FGD4: variants seen among roughly 807,000 people sequenced by gnomAD.
The protein encoded by FGD4 is FYVE, RhoGEF and PH domain containing 4.
FGD4 carries 42 observed loss-of-function variants against 102.0 expected under a neutral mutation model. That is an observed-to-expected ratio of 0.41 (90% confidence interval 0.32 to 0.53). The LOEUF (loss-of-function observed/expected upper bound fraction) is 0.53. Ranked by LOEUF, FGD4 falls within the 20% of genes least tolerant of loss-of-function variation. FGD4 has a pLI of 0.21. For synonymous variants in FGD4, 380 were observed against 375.7 expected (o/e 1.01, Z -0.13); for missense variants, 902 against 1,078.2 (o/e 0.84, Z 2.29).
intron 1 of FGD4, among the ~76,000 whole-genome samples, chr12:32,414,262 G>A (rs372007811): frequency 3.3e-5 from 5 of 152,034 alleles, no homozygotes; most frequent in East Asian, 1.9e-4. Context: ...GTGTGCCACC[G>A]CACCCAGCCT....
intron 1 of FGD4, among the ~76,000 whole-genome samples, chr12:32,453,222 TATAGA>T (rs1942849915): frequency 2.1e-5 from 1 of 48,306 alleles, no homozygotes; most frequent in Admixed American, 2.8e-4. Flanking sequence ...ATATATATAA[TATAGA>T]TATATATATA....
At position 32,453,226 on chromosome 12, in the gene FGD4, G is replaced by GATAT. The variant is rs200904312; in HGVS notation, c.166+53276_166+53279dup. 5.8e-3 allele frequency among the ~76,000 whole-genome samples: 339 copies of GATAT among 58,504 alleles called. 5 individuals carry two copies. The highest frequency in any genetic ancestry group is 0.011 in the Admixed American group (51 of 4,802). The allele number at this position is 58,504 out of a possible 152,430, so 38.4% of individuals were successfully genotyped here. On this transcript the variant is annotated intron_variant, in intron 1 of 16. Coordinates refer to ENST00000534526, the MANE Select transcript of FGD4 (RefSeq NM_001370298.3). ...TATATATATATATATATATAATATA[G>GATAT]ATATATATATATTTTTTTTTTTTTA...
intron 4 of FGD4, chr12:32,582,838 C>A: frequency 4.6e-6 from 1 of 217,664 alleles, no homozygotes; most frequent in Non-Finnish European, 9.3e-6. Flanking sequence ...ATTGTATAAT[C>A]TTTGTTGTTC....
At chr12:32,479,238 G>GT (rs1274258417) in intron 1 of FGD4, among the ~76,000 whole-genome samples, 1 of 152,048 alleles carries the variant, frequency 6.6e-6, no homozygotes, top group Non-Finnish European at 1.5e-5. Flanking sequence ...AGGTCTCTGA[G>GT]TTTTTTTGGT....
intron 1 of FGD4, among the ~76,000 whole-genome samples, chr12:32,543,969 A>G (rs1943044106): frequency 6.6e-6 from 1 of 152,166 alleles, no homozygotes; most frequent in Non-Finnish European, 1.5e-5. Context: ...GTCAGAAACC[A>G]GAGATCAAGT....
At chr12:32,471,342 G>T (rs11052015) in intron 1 of FGD4, among the ~76,000 whole-genome samples, 1 of 152,022 alleles carries the variant, frequency 6.6e-6, no homozygotes, top group African/African-American at 2.4e-5. Context: ...TCATCCATCC[G>T]TATCTCTCTC....
intron 16 of FGD4, 49 bp downstream of exon 16, chr12:32,638,844 G>GGGAA (rs748048420): frequency 2.5e-6 from 4 of 1,612,820 alleles, no homozygotes; most frequent in Non-Finnish European, 2.5e-6. Flanking sequence ...TGGGGGCAAG[G>GGGAA]GGAAGCGAGT....
chr12:32,460,831 A>G (rs4931630), intron 1 of FGD4, among the ~76,000 whole-genome samples: 149,395 of 152,356 alleles, frequency 0.98, 73,317 homozygotes, highest in East Asian at 1. Context: ...GAGGCTCAGA[A>G]AAGTGTAATA....
At chr12:32,576,982 G>A (rs1296055019) in intron 3 of FGD4, among the ~76,000 whole-genome samples, 2 of 151,838 alleles carry the variant, frequency 1.3e-5, no homozygotes, top group South Asian at 2.1e-4. Context: ...CATATGCTAG[G>A]TTTTGCAAAG....
chr12:32,521,677 A>AC (rs1488177496), intron 1 of FGD4, among the ~76,000 whole-genome samples: 1 of 152,232 alleles, frequency 6.6e-6, no homozygotes, highest in East Asian at 1.9e-4. Context: ...TTTAGCATTT[A>AC]CTTTAAAAAA....
chr12:32,508,131 G>A, intron 1 of FGD4, among the ~76,000 whole-genome samples: 1 of 152,192 alleles, frequency 6.6e-6, no homozygotes, highest in Non-Finnish European at 1.5e-5. Context: ...GGGTTCCTCG[G>A]CTGTGCACGT....
At chr12:32,473,044 G>A (rs1188391060) in intron 1 of FGD4, among the ~76,000 whole-genome samples, 1 of 151,404 alleles carries the variant, frequency 6.6e-6, no homozygotes, top group Non-Finnish European at 1.5e-5. Flanking sequence ...GCTCTGGTGG[G>A]GCCTTGGAGA....
At chr12:32,416,901 C>CTTTTTT (rs746296505) in intron 1 of FGD4, among the ~76,000 whole-genome samples, 5 of 142,728 alleles carry the variant, frequency 3.5e-5, no homozygotes, top group African/African-American at 5.1e-5. Flanking sequence ...TTTTCTTTTT[C>CTTTTTT]TTTTTTTTTT....
At chr12:32,607,180 G>C (rs973134818) in intron 7 of FGD4, among the ~76,000 whole-genome samples, 2 of 152,166 alleles carry the variant, frequency 1.3e-5, no homozygotes, top group Admixed American at 1.3e-4. Flanking sequence ...GAATTTTCTT[G>C]CTTAAAATTC....
At chr12:32,599,694 T>C (rs1948237636) in intron 5 of FGD4, among the ~76,000 whole-genome samples, 1 of 149,928 alleles carries the variant, frequency 6.7e-6, no homozygotes, top group Non-Finnish European at 1.5e-5. Flanking sequence ...ATTACAGGCA[T>C]GCACCACCCA....
chr12:32,569,441 G>C (rs1945463778), intron 2 of FGD4, among the ~76,000 whole-genome samples: 1 of 152,042 alleles, frequency 6.6e-6, no homozygotes, highest in South Asian at 2.1e-4. Flanking sequence ...CTCCAATCCT[G>C]CTGGCCTCCA....
Position 32,620,631 on chromosome 12 carries a change from A to T in FGD4, c.1922+761A>T, listed in dbSNP as rs577455416. On this transcript the variant is annotated intron_variant, in intron 11 of 16. Coordinates refer to ENST00000534526, the MANE Select transcript of FGD4 (RefSeq NM_001370298.3). The stretch of plus-strand genomic sequence containing the variant: ...AGCCTCTGCCTCCCAGGTTCAAGCT[A>T]TTCTCCTGGCTCAGCCTCCTGAGTA... Among the ~76,000 whole-genome samples the T allele has an allele frequency of 1.5e-4, 21 of 136,286 alleles. No homozygotes were observed. In the South Asian group the frequency reaches 3.4e-3, roughly 22 times the overall value. The allele number at this position is 136,286 out of a possible 152,430, so 89.4% of individuals were successfully genotyped here.
chr12:32,582,932 A>G (rs926522726), intron 4 of FGD4: 1 of 158,624 alleles, frequency 6.3e-6, no homozygotes, highest in African/African-American at 2.4e-5. Context: ...ATATGGAAGT[A>G]TTAAATTATT....
Position 32,544,833 on chromosome 12 carries a change from T to G in FGD4, c.167-19304T>G, listed in dbSNP as rs1294719267. On this transcript the variant is annotated intron_variant, in intron 1 of 16. Transcript: ENST00000534526. This position sits in a 1 kb window ranked among gnomAD's most constrained non-coding sequence, Gnocchi z 4.1. ...AATTCATTTCATATAGCTTCCACTATAAATACTATTTTGATCCAAGCCTGT... is the reference window on the plus strand; with the variant it reads ...AATTCATTTCATATAGCTTCCACTAGAAATACTATTTTGATCCAAGCCTGT... Among the ~76,000 whole-genome samples the G allele has an allele frequency of 6.6e-6, 1 of 152,234 alleles. No homozygotes were observed. Among genetic ancestry groups the G allele is most frequent in the Non-Finnish European group, 1.5e-5 (1 of 68,030 alleles).
Sources: gnomAD v4.1 joint callset for allele counts (sites outside exome capture counted in the v4.1 genomes callset) on GRCh38, gnomAD v4.1.1 for gene constraint, Gnocchi (gnomAD v3.1) non-coding constraint, MANE v1.5 for transcripts, NCBI Gene and HGNC (gene_info 2026-07-23, HGNC 2026-07-21) for gene names.